Variants in GPC4 observed in about 807,000 individuals in gnomAD.
GPC4 encodes glypican-4.
In GPC4, 10 loss-of-function variants were observed where a neutral mutation model predicts 35.0. The observed-to-expected ratio is 0.29, with a 90% confidence interval of 0.18 to 0.48. GPC4 has a LOEUF of 0.48. Ranked by LOEUF, GPC4 falls within the 20% of genes least tolerant of loss-of-function variation. GPC4 has a pLI of 0.99. For missense variants in GPC4, 322 were observed against 451.3 expected (o/e 0.71, Z 2.60); for synonymous variants, 167 against 170.2 (o/e 0.98, Z 0.15).
At position 133,302,830 on chromosome X, in the gene GPC4, AACTTTTTGATGAAC is replaced by A. The variant is rs1203629546; in HGVS notation, c.*23_*36del. 1.7e-6 allele frequency: 2 copies of A among 1,181,198 alleles called. No individual in the cohort carries two copies. Among genetic ancestry groups the A allele is most frequent in the Non-Finnish European group, 1.2e-6 (1 of 869,447 alleles). ...AGAAAAGTGATAACTGGTGCCTTTT[AACTTTTTGATGAAC>A]ACTTTTTCTCAGAGTTTGAGAATTA... On this transcript the variant is annotated 3_prime_UTR_variant, in exon 9 of 9. Transcript: ENST00000370828.
At chrX:133,371,138 T>C (rs1350794173) in intron 1 of GPC4, among the ~76,000 whole-genome samples, 1 of 112,155 alleles carries the variant, frequency 8.9e-6, no homozygotes, top group African/African-American at 3.2e-5. Context: ...ATGAGCACCA[T>C]TAAGAAATGA....
At chrX:133,366,269 C>T (rs2068589564) in intron 1 of GPC4, among the ~76,000 whole-genome samples, 1 of 112,280 alleles carries the variant, frequency 8.9e-6, no homozygotes, top group South Asian at 3.7e-4. Flanking sequence ...TTCTGTGATT[C>T]CCAGCCTATG....
At chrX:133,411,322 C>A (rs1033157647) in intron 1 of GPC4, among the ~76,000 whole-genome samples, 6 of 112,270 alleles carry the variant, frequency 5.3e-5, no homozygotes, top group Non-Finnish European at 3.8e-5. Flanking sequence ...GCTTCTAACC[C>A]ACTGCCTCAC....
intron 1 of GPC4, among the ~76,000 whole-genome samples, chrX:133,387,287 A>G (rs987010346): frequency 8.0e-5 from 9 of 112,066 alleles, no homozygotes; most frequent in Admixed American, 7.6e-4. Flanking sequence ...GCATGAAAGA[A>G]AACAGTGGGT....
chrX:133,381,137 T>C (rs1189616235), intron 1 of GPC4, among the ~76,000 whole-genome samples: 3 of 111,644 alleles, frequency 2.7e-5, no homozygotes, highest in Admixed American at 9.5e-5. Context: ...CCGGGGTCAG[T>C]GGGCCCCAGA....
intron 3 of GPC4, among the ~76,000 whole-genome samples, chrX:133,321,971 A>T (rs1260758920): frequency 8.9e-6 from 1 of 112,031 alleles, no homozygotes; most frequent in Non-Finnish European, 1.9e-5. Flanking sequence ...AATGCAATCA[A>T]TCAATTAATC....
intron 3 of GPC4, among the ~76,000 whole-genome samples, chrX:133,319,321 G>C (rs1342736225): frequency 9.3e-6 from 1 of 107,292 alleles, no homozygotes; most frequent in African/African-American, 3.4e-5. Context: ...GCACGTGCCT[G>C]TAGTGCTAGC....
At chrX:133,411,360 G>A (rs1202460107) in intron 1 of GPC4, among the ~76,000 whole-genome samples, 2 of 112,399 alleles carry the variant, frequency 1.8e-5, no homozygotes, top group Non-Finnish European at 3.8e-5. Context: ...ACATAGATGA[G>A]TAATAAAATG....
intron 1 of GPC4, among the ~76,000 whole-genome samples, chrX:133,409,184 G>A (rs972055556): frequency 4.7e-5 from 5 of 106,272 alleles, no homozygotes; most frequent in Non-Finnish European, 7.7e-5. Flanking sequence ...TAGCCAGGCG[G>A]TAGTGGCTCA....
rs917708029 is a variant in GPC4, at chrX:133,324,645, A to C, written c.320-109T>G. ...GAAAACTGGAAAAAAAACACAATTA[A>C]ATTGGAAAACGTGTTTGTATATAGG... is the stretch of plus-strand genomic sequence containing the variant. On this transcript the variant is annotated intron_variant, in intron 2 of 8. Transcript: ENST00000370828. 12 of 774,446 alleles carry C rather than the reference A, an allele frequency of 1.5e-5. No homozygotes were observed. The African/African-American group carries it at 2.3e-4, about 15-fold the overall frequency. 63.8% of individuals were successfully genotyped at this position (774,446 alleles called of 1,213,427 possible).
At chrX:133,312,682 A>G (rs1351452340) in intron 3 of GPC4, among the ~76,000 whole-genome samples, 2 of 87,004 alleles carry the variant, frequency 2.3e-5, no homozygotes, top group African/African-American at 1.2e-4. Flanking sequence ...AAAGGAAGAA[A>G]GAAAAAGAAA....
intron 6 of GPC4, among the ~76,000 whole-genome samples, 193 bp downstream of exon 6, chrX:133,305,579 A>T (rs2068286987): frequency 9.0e-6 from 1 of 111,543 alleles, no homozygotes; most frequent in African/African-American, 3.3e-5. Flanking sequence ...TTGCATCATA[A>T]CTCCTTGGCT....
chrX:133,323,019 C>T (rs1240864574), intron 3 of GPC4, among the ~76,000 whole-genome samples: 1 of 111,428 alleles, frequency 9.0e-6, no homozygotes, highest in Non-Finnish European at 1.9e-5. Context: ...GAACCCCTTT[C>T]CCCTTGAAAT....
chrX:133,377,206 C>T (rs1285597829), intron 1 of GPC4, among the ~76,000 whole-genome samples: 1 of 112,050 alleles, frequency 8.9e-6, no homozygotes, highest in Non-Finnish European at 1.9e-5. Context: ...GGATCATGAC[C>T]TCCAAAGAAC....
chrX:133,349,060 C>A (rs1317515414), intron 1 of GPC4, among the ~76,000 whole-genome samples: 1 of 112,196 alleles, frequency 8.9e-6, no homozygotes, highest in Non-Finnish European at 1.9e-5. Context: ...CCCTCTGGAA[C>A]CTGTATCCCC....
intron 3 of GPC4, among the ~76,000 whole-genome samples, chrX:133,314,018 C>T (rs1278621888): frequency 8.9e-6 from 1 of 111,774 alleles, no homozygotes; most frequent in African/African-American, 3.3e-5. Flanking sequence ...ACAATGCCCT[C>T]GTAAGAAGAA....
chrX:133,384,061 C>G (rs1738855002), intron 1 of GPC4, among the ~76,000 whole-genome samples: 2 of 111,666 alleles, frequency 1.8e-5, no homozygotes, highest in Admixed American at 1.9e-4. Context: ...TGGAAATGCA[C>G]AGAGACATAC....
chrX:133,361,384 T>C (rs1003989385), intron 1 of GPC4, among the ~76,000 whole-genome samples: 1 of 111,588 alleles, frequency 9.0e-6, no homozygotes, highest in African/African-American at 3.3e-5. Context: ...TCCCAGAAGA[T>C]ATAGAAGAAA....
chrX:133,353,432 T>G (rs755429018), intron 1 of GPC4, among the ~76,000 whole-genome samples: 13 of 112,092 alleles, frequency 1.2e-4, no homozygotes, highest in African/African-American at 3.9e-4. Flanking sequence ...TGCTCACAAA[T>G]TGAAAGTATC....
Sources: allele counts gnomAD v4.1 joint callset (sites outside exome capture counted in the v4.1 genomes callset), GRCh38; gene constraint gnomAD v4.1.1; transcripts MANE v1.5; gene names NCBI Gene and HGNC (gene_info 2026-07-23, HGNC 2026-07-21).